Variants in CHL1 observed in about 807,000 individuals in gnomAD.
CHL1 encodes the protein neural cell adhesion molecule L1-like protein.
Under a neutral mutation model 141.9 loss-of-function variants are expected in CHL1, and 96 were observed. The ratio of observed to expected loss-of-function variants is 0.68; its 90% CI spans 0.57 to 0.80. The LOEUF is 0.80. Among genes scored for constraint, CHL1 ranks in the 30% least tolerant of loss-of-function variants. CHL1 has a pLI of 0.00. For synonymous variants in CHL1, 613 were observed against 502.2 expected (o/e 1.22, Z -2.95); for missense variants, 1,820 against 1,457.2 (o/e 1.25, Z -4.05).
chr3:310,913 A>T (rs971249808), intron 2 of CHL1, among the ~76,000 whole-genome samples: 3 of 152,114 alleles, frequency 2.0e-5, no homozygotes, highest in Admixed American at 2.0e-4. Flanking sequence ...ACCCCTCACA[A>T]CCACTTATCT....
At chr3:300,924 A>T (rs1393999053) in intron 2 of CHL1, among the ~76,000 whole-genome samples, 2 of 152,192 alleles carry the variant, frequency 1.3e-5, no homozygotes, top group Non-Finnish European at 2.9e-5. Flanking sequence ...AAGTTATAAC[A>T]AGAGATTGGA....
At chr3:302,611 A>T (rs1466290671) in intron 2 of CHL1, among the ~76,000 whole-genome samples, 2 of 151,882 alleles carry the variant, frequency 1.3e-5, no homozygotes, top group African/African-American at 2.4e-5. Flanking sequence ...TTTTCTTGTA[A>T]ATTTGTTTAA....
rs1698438775 is a variant in CHL1, at chr3:197,518, C to T, written c.-175+455C>T. The T allele has an allele frequency of 1.3e-5, 3 of 238,122 alleles. No homozygotes were observed. The South Asian group carries it at 1.4e-4, about 11-fold the overall frequency. The allele number at this position is 238,122 out of a possible 1,614,324, so 14.8% of individuals were successfully genotyped here. ...GGGGGTCAGTCCCGGCCTCTGTCTCCCACCGCGCCCCTCGCTCCCCTGGAC... is the reference window on the plus strand; with the variant it reads ...GGGGGTCAGTCCCGGCCTCTGTCTCTCACCGCGCCCCTCGCTCCCCTGGAC... On this transcript the variant is annotated intron_variant, in intron 1 of 27. Coordinates refer to ENST00000256509, the MANE Select transcript of CHL1 (RefSeq NM_006614.4).
intron 1 of CHL1, among the ~76,000 whole-genome samples, chr3:239,687 T>C (rs1450790520): frequency 6.6e-6 from 1 of 151,918 alleles, no homozygotes; most frequent in Admixed American, 6.6e-5. Flanking sequence ...ATTTGTGAGA[T>C]TTTGGTGCAC....
At chr3:230,503 T>G (rs1428118027) in intron 1 of CHL1, among the ~76,000 whole-genome samples, 4 of 141,024 alleles carry the variant, frequency 2.8e-5, no homozygotes, top group African/African-American at 1.1e-4. Context: ...AGTATAAACC[T>G]TTTTTTTTTT....
chr3:236,722 C>T (rs1298368100), intron 1 of CHL1, among the ~76,000 whole-genome samples: 1 of 151,564 alleles, frequency 6.6e-6, no homozygotes, highest in East Asian at 1.9e-4. Context: ...TTCAGTCTAT[C>T]TATTCTTTGT....
intron 20 of CHL1, among the ~76,000 whole-genome samples, chr3:389,817 C>G (rs1481571643): frequency 6.6e-6 from 1 of 152,192 alleles, no homozygotes; most frequent in Non-Finnish European, 1.5e-5. Flanking sequence ...TTTGCCCTTA[C>G]TTGTCAAGGA....
chr3:322,286 G>T (rs138388062), intron 3 of CHL1, among the ~76,000 whole-genome samples: 4 of 142,144 alleles, frequency 2.8e-5, no homozygotes, highest in South Asian at 2.2e-4. Context: ...CAGATTTATC[G>T]GGCAATAATG....
intron 19 of CHL1, among the ~76,000 whole-genome samples, chr3:387,840 T>G (rs1387877674): frequency 6.6e-6 from 1 of 152,202 alleles, no homozygotes; most frequent in Non-Finnish European, 1.5e-5. Context: ...CATTTTGTTT[T>G]GATTTTTTTT....
Position 363,112 on chromosome 3 carries a change from G to C in CHL1, c.1419-105G>C, listed in dbSNP as rs188002402. Reference sequence around the variant, plus strand: ...ACTGGAACATTTCATGAGGTTTTCTGAGCTATTGAAAGGGGATTAGCCTGA... The same window carrying C: ...ACTGGAACATTTCATGAGGTTTTCTCAGCTATTGAAAGGGGATTAGCCTGA... On this transcript the variant is annotated intron_variant, in intron 13 of 27. Coordinates refer to ENST00000256509, the MANE Select transcript of CHL1 (RefSeq NM_006614.4). 478 of 887,512 alleles carry C rather than the reference G, an allele frequency of 5.4e-4. 3 individuals are homozygous for C. Among genetic ancestry groups the C allele is most frequent in the Admixed American group, 1.5e-3 (52 of 33,810 alleles). 55.0% of individuals were successfully genotyped at this position (887,512 alleles called of 1,614,324 possible). A position where few individuals can be genotyped will look rare whatever the true frequency, so the allele number is the denominator to read the frequency against.
At chr3:391,343 C>T (rs968997634) in intron 22 of CHL1, among the ~76,000 whole-genome samples, 184 bp downstream of exon 22, 1 of 152,094 alleles carries the variant, frequency 6.6e-6, no homozygotes, top group African/African-American at 2.4e-5. Flanking sequence ...TGATGAAATC[C>T]TGTCTCTATC....
chr3:227,921 C>G (rs906737455), intron 1 of CHL1, among the ~76,000 whole-genome samples: 3 of 152,218 alleles, frequency 2.0e-5, no homozygotes, highest in African/African-American at 7.2e-5. Flanking sequence ...CAGCACTCGT[C>G]TTTTTCCTTG....
chr3:211,077 G>A (rs990201163), intron 1 of CHL1, among the ~76,000 whole-genome samples: 4 of 152,162 alleles, frequency 2.6e-5, no homozygotes, highest in African/African-American at 9.6e-5. Flanking sequence ...AGAGAACCAG[G>A]AGTATCTTAG....
At chr3:297,247 T>A (rs1056825864) in intron 2 of CHL1, among the ~76,000 whole-genome samples, 1 of 151,522 alleles carries the variant, frequency 6.6e-6, no homozygotes, top group African/African-American at 2.4e-5. Flanking sequence ...TAAAATAAAA[T>A]AAATATAAGG....
intron 1 of CHL1, among the ~76,000 whole-genome samples, chr3:203,141 A>G (rs1699101378): frequency 6.6e-6 from 1 of 152,230 alleles, no homozygotes; most frequent in Non-Finnish European, 1.5e-5. Context: ...TGTAAAGAAA[A>G]ACAGATTTTT....
intron 2 of CHL1, among the ~76,000 whole-genome samples, chr3:258,353 G>A (rs1001732810): frequency 1.3e-5 from 2 of 152,152 alleles, no homozygotes; most frequent in African/African-American, 4.8e-5. Context: ...GATACTGAAG[G>A]GTATTGCCAT....
rs746662117 is a variant in CHL1 at position 344,671 on chromosome 3, A to G, written c.810A>G (p.Lys270=). Residue 270 remains lysine, a synonymous_variant, in exon 9 of 28, where the codon AAA becomes AAG. Transcript: ENST00000256509. ...SGSESSITIL[K]GEILLLECFA... is the part of the protein sequence containing the mutation. ...GTGAGTCTTCAATTACCATCCTCAA[A>G]GGGGAAATCTTGCTGCTTGAGTGTT... is the stretch of plus-strand genomic sequence containing the variant. The G allele has an allele frequency of 1.2e-5, 19 of 1,613,788 alleles. No individual in the cohort carries two copies. The highest frequency in any genetic ancestry group is 1.5e-5 in the Non-Finnish European group (18 of 1,179,824).
At position 389,279 on chromosome 3, in the gene CHL1, C is replaced by T; in HGVS notation, c.2275C>T (p.Pro759Ser). Residue 759 changes from proline (P) to serine (S), a missense_variant, in exon 20 of 28, where the codon CCA (proline) becomes TCA (serine). By Grantham distance (74) the Pro-to-Ser change is moderately conservative. Transcript: ENST00000256509. ...TTTGAAATCCATGGAGCAGAATGGA[C>T]CAGGCCTAGAGTACAGAGTGACCTG... ...EPLKSMEQNG[P>S]GLEYRVTWKP... 1 of 1,612,248 alleles carries T rather than the reference C, an allele frequency of 6.2e-7. No homozygotes were observed. The highest frequency in any genetic ancestry group is 8.5e-7 in the Non-Finnish European group (1 of 1,179,046).
At chr3:244,587 A>C (rs1317754095) in intron 1 of CHL1, 26 bp from the exon 2 acceptor site, 1 of 152,226 alleles carries the variant, frequency 6.6e-6, no homozygotes, top group African/African-American at 2.4e-5. Context: ...TGTTTCCAAA[A>C]TTACAACTTT....
Sources: gnomAD v4.1 joint callset for allele counts (sites outside exome capture counted in the v4.1 genomes callset) on GRCh38, gnomAD v4.1.1 for gene constraint, MANE v1.5 for transcripts, NCBI Gene and HGNC (gene_info 2026-07-23, HGNC 2026-07-21) for gene names.